Variants in TCAF2 observed in about 807,000 individuals in gnomAD.
The protein encoded by TCAF2 is TRPM8 channel associated factor 2.
In TCAF2, 6 loss-of-function variants were observed where a neutral mutation model predicts 33.9. The observed-to-expected ratio is 0.18, with a 90% confidence interval of 0.10 to 0.35. TCAF2 has a LOEUF of 0.35. Ranked by LOEUF, TCAF2 falls within the 10% of genes least tolerant of loss-of-function variation. TCAF2 has a pLI of 1.00. For missense variants in TCAF2, 109 were observed against 604.0 expected (o/e 0.18, Z 8.59); for synonymous variants, 41 against 247.8 (o/e 0.17, Z 7.84).
intron 1 of TCAF2, 131 bp downstream of exon 1, chr7:143,621,151 G>A: frequency 3.2e-5 from 1 of 31,148 alleles, no homozygotes; most frequent in South Asian, 1.9e-4. Context: ...CCCTTCTTAG[G>A]TCTAGGTCTT....
rs1809751064 is a variant in TCAF2, at chr7:143,729,019, A to T, written c.*1352A>T. The T allele has an allele frequency of 6.6e-6, 1 of 152,134 alleles. No individual in the cohort carries two copies. Among genetic ancestry groups the T allele is most frequent in the Non-Finnish European group, 1.5e-5 (1 of 68,026 alleles). The allele number at this position is 152,134 out of a possible 1,614,324, so 9.4% of individuals were successfully genotyped here. Reference sequence around the variant, plus strand: ...TTTAACAAATTCCCAATTCTAGATAATTTCCTTTTATTTCTCTAGTACCCT... The same window carrying T: ...TTTAACAAATTCCCAATTCTAGATATTTTCCTTTTATTTCTCTAGTACCCT... On this transcript the variant is annotated 3_prime_UTR_variant, in exon 8 of 8. Transcript: ENST00000684770.
intron 7 of TCAF2, 35 bp downstream of exon 7, chr7:143,724,732 C>A: frequency 6.4e-7 from 1 of 1,563,236 alleles, no homozygotes; most frequent in Non-Finnish European, 8.7e-7. Context: ...AGGGGATGAC[C>A]AGACCCCTCA....
At position 143,729,752 on chromosome 7, in the gene TCAF2, C is replaced by T. The variant is rs2116542989; in HGVS notation, c.*2085C>T. On this transcript the variant is annotated 3_prime_UTR_variant, in exon 8 of 8. Coordinates refer to ENST00000684770, the MANE Select transcript of TCAF2 (RefSeq NM_001363538.2). ...CATTAGATATTTGTCCTAATGCTCT[C>T]CCTCCCATTGCCCCCAACCTCCCGA... 6.6e-6 allele frequency: 1 copy of T among 152,208 alleles called. No individual in the cohort carries two copies. The highest frequency in any genetic ancestry group is 2.4e-5 in the African/African-American group (1 of 41,522). The allele number at this position is 152,208 out of a possible 1,614,324, so 9.4% of individuals were successfully genotyped here. A position where few individuals can be genotyped will look rare whatever the true frequency, so the allele number is the denominator to read the frequency against.
chr7:143,724,853 C>T, intron 7 of TCAF2, 156 bp downstream of exon 7: 1 of 1,541,722 alleles, frequency 6.5e-7, no homozygotes, highest in Non-Finnish European at 8.7e-7. Context: ...GGTGGTGCTT[C>T]TTGGGTTATA....
rs34842169 is a variant in TCAF2, at chr7:143,728,660, T to TG, written c.*999dup. The TG allele has an allele frequency of 6.6e-6, 1 of 152,334 alleles. No individual in the cohort carries two copies. Among genetic ancestry groups the TG allele is most frequent in the Non-Finnish European group, 1.5e-5 (1 of 68,096 alleles). The allele number at this position is 152,334 out of a possible 1,614,324, so 9.4% of individuals were successfully genotyped here. A position where few individuals can be genotyped will look rare whatever the true frequency, so the allele number is the denominator to read the frequency against. On this transcript the variant is annotated 3_prime_UTR_variant, in exon 8 of 8. Transcript: ENST00000684770. ...ATGGAATCAAGGCACTGTCAAGTGGTGGGGGGTCCACAGGCACAGTGGGCT... is the reference window on the plus strand; with the variant it reads ...ATGGAATCAAGGCACTGTCAAGTGGTGGGGGGGTCCACAGGCACAGTGGGCT...
At chr7:143,628,110 CAAAA>C (rs1237202176) in intron 1 of TCAF2, among the ~76,000 whole-genome samples, 1 of 9,716 alleles carries the variant, frequency 1.0e-4, no homozygotes, top group Non-Finnish European at 1.8e-4. Flanking sequence ...GACTCTGTCT[CAAAA>C]AAAAAAAAAA....
At chr7:143,702,192 A>C (rs1431086026) in intron 1 of TCAF2, among the ~76,000 whole-genome samples, 5 of 1,392 alleles carry the variant, frequency 3.6e-3, no homozygotes, top group African/African-American at 0.017. Flanking sequence ...TAGATGGGGA[A>C]ACTGAGACTG....
intron 2 of TCAF2, among the ~76,000 whole-genome samples, chr7:143,718,466 A>C (rs1207226972): frequency 6.6e-6 from 1 of 151,950 alleles, no homozygotes; most frequent in Non-Finnish European, 1.5e-5. Context: ...CCTGGAATCT[A>C]ATTTTAAAAC....
intron 2 of TCAF2, among the ~76,000 whole-genome samples, chr7:143,714,064 CA>C (rs377337506): frequency 1.6e-4 from 8 of 51,256 alleles, no homozygotes; most frequent in East Asian, 1.1e-3. Context: ...ATGATGGAGA[CA>C]GTTTTTAAAG....
At position 143,728,609 on chromosome 7, in the gene TCAF2, A is replaced by G. The variant is rs1009557406; in HGVS notation, c.*942A>G. 1 of 152,182 alleles carries G rather than the reference A, an allele frequency of 6.6e-6. No individual in the cohort carries two copies. The highest frequency in any genetic ancestry group is 6.5e-5 in the Admixed American group (1 of 15,286). 9.4% of individuals were successfully genotyped at this position (152,182 alleles called of 1,614,324 possible). On this transcript the variant is annotated 3_prime_UTR_variant, in exon 8 of 8. Coordinates refer to ENST00000684770, the MANE Select transcript of TCAF2 (RefSeq NM_001363538.2). Reference sequence around the variant, plus strand: ...TATGCCCATTCGTTCATACCACAAAACAGGCATCTGACTCCTCTGGTCACC... The same window carrying G: ...TATGCCCATTCGTTCATACCACAAAGCAGGCATCTGACTCCTCTGGTCACC...
chr7:143,718,461 A>T (rs1024305067), intron 2 of TCAF2, among the ~76,000 whole-genome samples: 1 of 151,862 alleles, frequency 6.6e-6, no homozygotes. Flanking sequence ...GGTATCCTGG[A>T]ATCTAATTTT....
In TCAF2 at chr7:143,701,777, T is replaced by C. The variant is rs62484952; in HGVS notation, c.-11-1207T>C. 3.8e-4 allele frequency among the ~76,000 whole-genome samples: 46 copies of C among 120,820 alleles called. 2 individuals carry two copies. Among genetic ancestry groups the C allele is most frequent in the Admixed American group, 1.5e-3 (19 of 12,276 alleles). The allele number at this position is 120,820 out of a possible 152,430, so 79.3% of individuals were successfully genotyped here. On this transcript the variant is annotated intron_variant, in intron 1 of 7. Transcript: ENST00000684770. Reference sequence around the variant, plus strand: ...TTTTATTTTACTTTATTTTATTTTATTTTATTTTATTTTATTTTATTTTAT... The same window carrying C: ...TTTTATTTTACTTTATTTTATTTTACTTTATTTTATTTTATTTTATTTTAT...
rs1809744014 is a variant in TCAF2, at chr7:143,728,816, C to T, written c.*1149C>T. ...TGACTCTTCGGTTAGAGGGAGTTCTCATTGGAGATTTGTCTCTGGGATTAA... is the reference window on the plus strand; with the variant it reads ...TGACTCTTCGGTTAGAGGGAGTTCTTATTGGAGATTTGTCTCTGGGATTAA... On this transcript the variant is annotated 3_prime_UTR_variant, in exon 8 of 8. Coordinates refer to ENST00000684770, the MANE Select transcript of TCAF2 (RefSeq NM_001363538.2). The T allele has an allele frequency of 6.6e-6, 1 of 152,202 alleles. No homozygotes were observed. The highest frequency in any genetic ancestry group is 2.4e-5 in the African/African-American group (1 of 41,456). The allele number at this position is 152,202 out of a possible 1,614,324, so 9.4% of individuals were successfully genotyped here.
intron 1 of TCAF2, among the ~76,000 whole-genome samples, chr7:143,633,332 TA>T (rs1808882320): frequency 9.2e-6 from 1 of 108,372 alleles, no homozygotes; most frequent in African/African-American, 4.3e-5. Flanking sequence ...ATTTGGTAAG[TA>T]AAAATTGTAA....
At chr7:143,647,556 C>T (rs1809076592) in intron 1 of TCAF2, 1 of 545,264 alleles carries the variant, frequency 1.8e-6, no homozygotes, top group Admixed American at 3.7e-5. Context: ...CATGTACAAG[C>T]AGCTGTGAGG....
intron 2 of TCAF2, among the ~76,000 whole-genome samples, chr7:143,707,325 G>A (rs1809236612): frequency 2.7e-5 from 2 of 72,740 alleles, no homozygotes; most frequent in South Asian, 7.1e-4. Context: ...CTGAGACTCT[G>A]TCTCAAAAAA....
intron 1 of TCAF2, chr7:143,645,626 G>T (rs1809045937): frequency 1.4e-5 from 1 of 71,706 alleles, no homozygotes; most frequent in South Asian, 1.5e-4. Flanking sequence ...ATTTGAGCTG[G>T]GCTCCTGTCT....
intron 1 of TCAF2, among the ~76,000 whole-genome samples, chr7:143,701,847 T>C (rs1296275974): frequency 1.9e-5 from 2 of 106,834 alleles, no homozygotes; most frequent in African/African-American, 7.7e-5. Context: ...CAGAGTCTTG[T>C]TCTCTCGCAC....
At position 143,728,813 on chromosome 7, in the gene TCAF2, T is replaced by A. The variant is rs1336994386; in HGVS notation, c.*1146T>A. On this transcript the variant is annotated 3_prime_UTR_variant, in exon 8 of 8. Transcript: ENST00000684770. ...TCTTGACTCTTCGGTTAGAGGGAGT[T>A]CTCATTGGAGATTTGTCTCTGGGAT... 6.6e-6 allele frequency: 1 copy of A among 152,204 alleles called. No homozygotes were observed. The highest frequency in any genetic ancestry group is 1.5e-5 in the Non-Finnish European group (1 of 68,040). The allele number at this position is 152,204 out of a possible 1,614,324, so 9.4% of individuals were successfully genotyped here.
Sources: allele counts gnomAD v4.1 joint callset (sites outside exome capture counted in the v4.1 genomes callset), GRCh38; gene constraint gnomAD v4.1.1; transcripts MANE v1.5; gene names NCBI Gene and HGNC (gene_info 2026-07-23, HGNC 2026-07-21).